The following MBNL2 variants were observed in gnomAD, a reference collection of about 807,000 sequenced individuals.
MBNL2 encodes the protein muscleblind-like protein 2.
A neutral mutation model predicts 41.9 loss-of-function variants in MBNL2; 17 were observed. The ratio of observed to expected loss-of-function variants is 0.41; its 90% CI spans 0.28 to 0.61. MBNL2 has a LOEUF of 0.61. Ranked by LOEUF, MBNL2 falls within the 20% of genes least tolerant of loss-of-function variation. The pLI, the probability that MBNL2 is intolerant of heterozygous loss-of-function variation, is 0.35. For missense variants in MBNL2, 336 were observed against 505.6 expected, an observed-to-expected ratio of 0.66 and a Z score of 3.22; for synonymous variants, 195 against 182.9, an observed-to-expected ratio of 1.07 and a Z score of -0.53.
chr13:97,357,514 A>T lies in MBNL2; in HGVS notation c.891A>T (p.Pro297=), dbSNP rs752106058. Residue 297 remains proline (P), a synonymous_variant, in exon 7 of 9, where the codon CCA becomes CCT. Coordinates refer to ENST00000679496, the MANE Select transcript of MBNL2 (RefSeq NM_001382683.1). Reference sequence around the variant, plus strand: ...CCCCTGGTGCTCTTCATCCTTTACCAAAGAGACAAGCACTTGAAAAAAGCA... The same window carrying T: ...CCCCTGGTGCTCTTCATCCTTTACCTAAGAGACAAGCACTTGAAAAAAGCA... ...AFPPGALHPL[P]KRQALEKSNG... 2.5e-6 allele frequency: 4 copies of T among 1,613,972 alleles called. No homozygotes were observed. The highest frequency in any genetic ancestry group is 2.5e-6 in the Non-Finnish European group (3 of 1,180,018).
the MBNL2 span, among the ~76,000 whole-genome samples, chr13:97,199,975 T>C: frequency 3.3e-5 from 5 of 152,234 alleles, no homozygotes; most frequent in African/African-American, 7.2e-5. Flanking sequence ...AAACATGTGG[T>C]CTTTGGATCT....
intron 2 of MBNL2, among the ~76,000 whole-genome samples, chr13:97,318,329 G>A (rs570981368): frequency 3.9e-5 from 6 of 152,260 alleles, no homozygotes; most frequent in African/African-American, 1.2e-4. Flanking sequence ...GAGTCACACT[G>A]CCTGGGTTCA....
At chr13:97,218,640 A>G (rs537811776), upstream of MBNL2, among the ~76,000 whole-genome samples, 1 of 152,234 alleles carries the variant, frequency 6.6e-6, no homozygotes, top group South Asian at 2.1e-4. Flanking sequence ...TTTCTCAAAC[A>G]TTCTGCTTTC....
intron 1 of MBNL2, among the ~76,000 whole-genome samples, chr13:97,267,891 C>A (rs528863508): frequency 1.2e-4 from 19 of 152,276 alleles, no homozygotes; most frequent in Non-Finnish European, 2.6e-4. Flanking sequence ...TTCTTTTCAG[C>A]AAGCAGCAGG....
At chr13:97,192,428 A>C in the MBNL2 span, among the ~76,000 whole-genome samples, 1 of 152,206 alleles carries the variant, frequency 6.6e-6, no homozygotes, top group Non-Finnish European at 1.5e-5. Context: ...GTGAGAGTGA[A>C]GAATTTGGAA....
chr13:97,193,789 C>A, the MBNL2 span, among the ~76,000 whole-genome samples: 1 of 152,096 alleles, frequency 6.6e-6, no homozygotes, highest in African/African-American at 2.4e-5. Context: ...CAGAGTCAGG[C>A]CATGTCATCA....
upstream of MBNL2, among the ~76,000 whole-genome samples, chr13:97,221,900 G>A (rs751309738): frequency 6.6e-6 from 1 of 152,180 alleles, no homozygotes; most frequent in African/African-American, 2.4e-5. Context: ...CATGGCAGAC[G>A]TTGAATTATT....
chr13:97,271,125 T>G (rs199807881), intron 1 of MBNL2, among the ~76,000 whole-genome samples: 124 of 138,958 alleles, frequency 8.9e-4, no homozygotes, highest in East Asian at 3.0e-3. Flanking sequence ...TTTTTTTTTT[T>G]GTTTTTTTTT....
chr13:97,234,018 G>A (rs754859890), intron 1 of MBNL2, among the ~76,000 whole-genome samples: 7 of 152,170 alleles, frequency 4.6e-5, no homozygotes, highest in Admixed American at 2.0e-4. Flanking sequence ...TCCCAAGTGG[G>A]AAGGCATCTG....
At chr13:97,162,878 G>T in the MBNL2 span, among the ~76,000 whole-genome samples, 1 of 152,220 alleles carries the variant, frequency 6.6e-6, no homozygotes, top group African/African-American at 2.4e-5. Flanking sequence ...GACTGAGTGA[G>T]AGAGATAGGA....
chr13:97,364,743 T>TGGAGGAGTTA (rs1251276112), intron 7 of MBNL2, among the ~76,000 whole-genome samples: 1 of 152,182 alleles, frequency 6.6e-6, no homozygotes, highest in Non-Finnish European at 1.5e-5. Context: ...TGCATGGCCT[T>TGGAGGAGTTA]GGAGGAGTTA....
In MBNL2 at chr13:97,330,283, G is replaced by T. The variant is rs74106920; in HGVS notation, c.175-3993G>T. Reference sequence around the variant, plus strand: ...TTATGTGACCCATGAGCTGGTCCCTGGTGTGAGCCCACCTTACTGGCCCTA... The same window carrying T: ...TTATGTGACCCATGAGCTGGTCCCTTGTGTGAGCCCACCTTACTGGCCCTA... On this transcript the variant is annotated intron_variant, in intron 2 of 8. Transcript: ENST00000679496. Among the ~76,000 whole-genome samples, 205 of 152,288 alleles carry T rather than the reference G, an allele frequency of 1.3e-3. 1 individual carries two copies. Among genetic ancestry groups the T allele is most frequent in the African/African-American group, 4.6e-3 (191 of 41,564 alleles).
At chr13:97,282,661 T>A (rs986399148) in intron 2 of MBNL2, among the ~76,000 whole-genome samples, 2 of 152,230 alleles carry the variant, frequency 1.3e-5, no homozygotes, top group Non-Finnish European at 2.9e-5. Flanking sequence ...TAAAGATTCT[T>A]GGACCCACCA....
chr13:97,148,480 A>T, the MBNL2 span, among the ~76,000 whole-genome samples: 3 of 152,316 alleles, frequency 2.0e-5, no homozygotes, highest in South Asian at 2.1e-4. Flanking sequence ...TGATGTGTCA[A>T]TGTAGGTTCA....
chr13:97,283,679 T>C (rs1297683726), intron 2 of MBNL2, among the ~76,000 whole-genome samples: 4 of 152,268 alleles, frequency 2.6e-5, no homozygotes, highest in Non-Finnish European at 4.4e-5. Flanking sequence ...GAAATCTTCA[T>C]CTTAAGAGAA....
At chr13:97,172,132 T>C in the MBNL2 span, among the ~76,000 whole-genome samples, 1 of 152,122 alleles carries the variant, frequency 6.6e-6, no homozygotes, top group African/African-American at 2.4e-5. Flanking sequence ...GAAGAGCTTG[T>C]TTTTGTGGTA....
intron 8 of MBNL2, among the ~76,000 whole-genome samples, chr13:97,374,604 G>A (rs1252244820): frequency 6.6e-6 from 1 of 151,840 alleles, no homozygotes; most frequent in Non-Finnish European, 1.5e-5. Flanking sequence ...TGTTGGCCAG[G>A]CTGGTCTCAA....
intron 5 of MBNL2, among the ~76,000 whole-genome samples, chr13:97,355,064 A>G (rs933205804): frequency 6.6e-6 from 1 of 152,236 alleles, no homozygotes; most frequent in Non-Finnish European, 1.5e-5. Flanking sequence ...CAAAAATGGC[A>G]TTATGGAAGT....
chr13:97,303,536 C>T (rs1403829725), intron 2 of MBNL2, among the ~76,000 whole-genome samples: 1 of 152,190 alleles, frequency 6.6e-6, no homozygotes, highest in Non-Finnish European at 1.5e-5. Context: ...GCTCTCTCAA[C>T]CATGCAGGCT....
Sources: gnomAD v4.1 joint callset for allele counts (sites outside exome capture counted in the v4.1 genomes callset) on GRCh38, gnomAD v4.1.1 for gene constraint, MANE v1.5 for transcripts, NCBI Gene and HGNC (gene_info 2026-07-23, HGNC 2026-07-21) for gene names.